The following NAA35 variants were observed in gnomAD, a reference collection of about 807,000 sequenced individuals.
NAA35 encodes the protein N-alpha-acetyltransferase 35, NatC auxiliary subunit.
In NAA35, 18 loss-of-function variants were observed where a neutral mutation model predicts 101.7. The observed-to-expected ratio is 0.18, with a 90% confidence interval of 0.12 to 0.26. The LOEUF (loss-of-function observed/expected upper bound fraction) is 0.26, where lower values mean the gene tolerates loss of function less well. NAA35 is among the 10% of genes least tolerant of loss of function. The pLI, the probability that NAA35 is intolerant of heterozygous loss-of-function variation, is 1.00. For synonymous variants in NAA35, 267 were observed against 273.1 expected (o/e 0.98, Z 0.22); for missense variants, 601 against 886.8 (o/e 0.68, Z 4.09).
At chr9:85,948,030 C>A (rs1191719378) in intron 2 of NAA35, among the ~76,000 whole-genome samples, 1 of 152,128 alleles carries the variant, frequency 6.6e-6, no homozygotes, top group African/African-American at 2.4e-5. Flanking sequence ...AAAGGAGTTT[C>A]TAGAAGACAC....
chr9:86,017,659 T>A (rs532441979), intron 19 of NAA35, 94 bp downstream of exon 19: 65 of 1,018,062 alleles, frequency 6.4e-5, no homozygotes, highest in Middle Eastern at 6.3e-4. Context: ...TTCCATATTA[T>A]AATTTCACCT....
At chr9:85,985,771 TAAAAGA>T (rs774813110) in intron 11 of NAA35, among the ~76,000 whole-genome samples, 3 of 152,110 alleles carry the variant, frequency 2.0e-5, no homozygotes, top group Non-Finnish European at 2.9e-5. Flanking sequence ...GAATTGTGAG[TAAAAGA>T]AAATCACTAG....
At chr9:85,967,424 T>G (rs1026342813) in intron 6 of NAA35, among the ~76,000 whole-genome samples, 7 of 152,262 alleles carry the variant, frequency 4.6e-5, no homozygotes, top group Admixed American at 1.3e-4. Context: ...TTTTGCTAAA[T>G]TTTTCAGATT....
intron 2 of NAA35, among the ~76,000 whole-genome samples, chr9:85,948,992 G>T (rs1194347826): frequency 1.3e-5 from 2 of 151,888 alleles, no homozygotes; most frequent in African/African-American, 2.4e-5. Context: ...CATGACCTCG[G>T]GTGATCCACC....
At chr9:85,975,948 A>G (rs1308141344) in intron 8 of NAA35, among the ~76,000 whole-genome samples, 1 of 152,172 alleles carries the variant, frequency 6.6e-6, no homozygotes. Flanking sequence ...AGATGGGGGA[A>G]AAGTTATATT....
intron 11 of NAA35, among the ~76,000 whole-genome samples, chr9:85,992,173 C>A (rs1277344871): frequency 1.1e-3 from 145 of 137,554 alleles, no homozygotes; most frequent in East Asian, 1.4e-3. Context: ...GACTCCGTCT[C>A]AAAAAAAAAA....
chr9:85,959,236 C>T (rs889501897), intron 4 of NAA35, among the ~76,000 whole-genome samples: 3 of 151,668 alleles, frequency 2.0e-5, no homozygotes, highest in Admixed American at 1.3e-4. Context: ...ATTAGCTGGG[C>T]GTGGTGGCAG....
At chr9:85,953,439 C>T (rs1250224042) in intron 2 of NAA35, among the ~76,000 whole-genome samples, 1 of 151,912 alleles carries the variant, frequency 6.6e-6, no homozygotes, top group Non-Finnish European at 1.5e-5. Context: ...CTTTTTTTCT[C>T]TTTTTGAGAC....
chr9:85,968,928 T>C (rs1587592180), intron 6 of NAA35, among the ~76,000 whole-genome samples: 1 of 152,202 alleles, frequency 6.6e-6, no homozygotes, highest in African/African-American at 2.4e-5. Flanking sequence ...GATAATTGTC[T>C]CTCTTTTTGA....
chr9:85,978,368 T>G lies in NAA35; in HGVS notation c.864T>G (p.Asp288Glu). The change falls in exon 11 of 23, where the codon GAT becomes GAG. Residue 288 changes from aspartate (D) to glutamate (E), a missense_variant. By Grantham distance (45) the Asp-to-Glu change is conservative (BLOSUM62 2). Coordinates refer to ENST00000361671, the MANE Select transcript of NAA35 (RefSeq NM_024635.4). ...SLHHGIQAQN[D>E]TTKGDHPIMM... ...ATCATGGCATCCAGGCCCAGAATGA[T>G]ACTACAAAAGGAGGTAATTGTTCAA... The G allele has an allele frequency of 6.2e-7, 1 of 1,601,894 alleles. No individual in the cohort carries two copies. The highest frequency in any genetic ancestry group is 1.1e-5 in the South Asian group (1 of 90,826).
At position 85,956,211 on chromosome 9, in the gene NAA35, A is replaced by G. The variant is rs971806644; in HGVS notation, c.125-149A>G. 8.2e-6 allele frequency: 4 copies of G among 487,492 alleles called. No individual in the cohort carries two copies. In the East Asian group the frequency reaches 1.2e-4, roughly 14 times the overall value. 30.2% of individuals were successfully genotyped at this position (487,492 alleles called of 1,614,324 possible). A position where few individuals can be genotyped will look rare whatever the true frequency, so the allele number is the denominator to read the frequency against. ...GTACTCACTGTATAGAATGCATTAT[A>G]TTAGTAATTGAGTAGAAATAAGTAT... On this transcript the variant is annotated intron_variant, in intron 2 of 22. Transcript: ENST00000361671.
rs774458177 is a variant in NAA35, at chr9:85,974,934, A to C, written c.517-33A>C. The C allele has an allele frequency of 3.0e-5, 46 of 1,519,200 alleles. No individual in the cohort carries two copies. In the South Asian group the frequency reaches 5.3e-4, roughly 18 times the overall value. The allele number at this position is 1,519,200 out of a possible 1,614,324, so 94.1% of individuals were successfully genotyped here. Reference sequence around the variant, plus strand: ...TTGCCGCTATTTAAGGTTTTTTGCTATTCATGAGCCTGATTATTTCCTTTT... The same window carrying C: ...TTGCCGCTATTTAAGGTTTTTTGCTCTTCATGAGCCTGATTATTTCCTTTT... On this transcript the variant is annotated intron_variant, in intron 6 of 22. Transcript: ENST00000361671.
chr9:85,942,112 T>G, intron 1 of NAA35, 43 bp from the exon 2 acceptor site: 2 of 1,592,396 alleles, frequency 1.3e-6, no homozygotes, highest in South Asian at 2.3e-5. Context: ...ACTCTTGCCC[T>G]GAAAGCTACA....
At chr9:85,975,639 A>G (rs1034399597) in intron 8 of NAA35, among the ~76,000 whole-genome samples, 2 of 152,218 alleles carry the variant, frequency 1.3e-5, no homozygotes, top group South Asian at 4.1e-4. Context: ...AATACTTTCA[A>G]TCAGCGGTTG....
At chr9:86,018,865 G>GA (rs1363050066) in intron 21 of NAA35, 44 bp downstream of exon 21, 1 of 1,601,516 alleles carries the variant, frequency 6.2e-7, no homozygotes, top group East Asian at 2.2e-5. Flanking sequence ...AGCGTGGCAG[G>GA]AAATACATCT....
chr9:85,949,242 C>G (rs1828899542), intron 2 of NAA35, among the ~76,000 whole-genome samples: 1 of 151,840 alleles, frequency 6.6e-6, no homozygotes, highest in Non-Finnish European at 1.5e-5. Context: ...TCTCCCTAAA[C>G]TTGTCCTCTG....
intron 3 of NAA35, among the ~76,000 whole-genome samples, chr9:85,956,831 A>G (rs541377399): frequency 2.0e-5 from 3 of 152,320 alleles, no homozygotes; most frequent in Admixed American, 1.3e-4. Flanking sequence ...TTGGCATACA[A>G]TTCTGATGAC....
chr9:85,975,115 C>A lies in NAA35; in HGVS notation c.585C>A (p.Gly195=). The A allele has an allele frequency of 6.2e-7, 1 of 1,613,332 alleles. No individual in the cohort carries two copies. The highest frequency in any genetic ancestry group is 8.5e-7 in the Non-Finnish European group (1 of 1,179,646). The part of the protein sequence containing the change: ...ANSVTDLRVT[G]MLKDVEDDMQ... ...AAAACTTATTGTTTCTTTTTCTAGG[C>A]ATGCTAAAAGATGTGGAGGATGACA... The change falls in exon 8 of 23, where the codon GGC becomes GGA. Residue 195 remains glycine, a splice_region_variant and synonymous_variant. Transcript: ENST00000361671.
At chr9:85,969,969 T>C (rs1829934660) in intron 6 of NAA35, among the ~76,000 whole-genome samples, 1 of 152,178 alleles carries the variant, frequency 6.6e-6, no homozygotes, top group African/African-American at 2.4e-5. Context: ...TGTGTCACAG[T>C]CATCAAAGAC....
Sources: gnomAD v4.1 joint callset for allele counts (sites outside exome capture counted in the v4.1 genomes callset) on GRCh38, gnomAD v4.1.1 for gene constraint, MANE v1.5 for transcripts, NCBI Gene and HGNC (gene_info 2026-07-23, HGNC 2026-07-21) for gene names.